The following UGT1A10 variants were observed in gnomAD, a reference collection of about 807,000 sequenced individuals.
UGT1A10 encodes UDP-glucuronosyltransferase 1A10.
Under a neutral mutation model 45.8 loss-of-function variants are expected in UGT1A10, and 49 were observed. The observed-to-expected ratio is 1.07, with a 90% CI of 0.85 to 1.36. The LOEUF is 1.36. Among genes scored for constraint, UGT1A10 ranks in the 40% most tolerant of loss-of-function variants. The probability of loss-of-function intolerance (pLI) is 0.00; values close to 1 mark genes in which losing one functional copy is unlikely to be tolerated. For synonymous variants in UGT1A10, 284 were observed against 249.7 expected (o/e 1.14, Z -1.29); for missense variants, 745 against 668.6 (o/e 1.11, Z -1.26).
intron 1 of UGT1A10, chr2:233,755,092 ACGC>A (rs1418876721): frequency 2.2e-6 from 3 of 1,335,040 alleles, no homozygotes; most frequent in Non-Finnish European, 3.0e-6. Flanking sequence ...TCGCGTTTCT[ACGC>A]GTCCGACAAC....
chr2:233,671,983 C>T (rs1209709539), intron 1 of UGT1A10: 1 of 1,613,950 alleles, frequency 6.2e-7, no homozygotes, highest in Non-Finnish European at 8.5e-7. Context: ...TGTGTGTCTG[C>T]TGCTGACCTG....
chr2:233,756,944 AC>A lies in UGT1A10; in HGVS notation c.856-10087del, dbSNP rs34531096. On this transcript the variant is annotated intron_variant, in intron 1 of 4. Transcript: ENST00000344644. ...ATAACCTCTAGTTACATAACCTGAA[AC>A]CCGGACTTGGCACTTGGTAAGCACG... 8.7e-4 allele frequency among the ~76,000 whole-genome samples: 132 copies of A among 152,140 alleles called. 1 individual carries two copies. The East Asian group carries it at 0.024, about 27-fold the overall frequency.
At chr2:233,729,039 C>T (rs2077779281) in intron 1 of UGT1A10, 1 of 1,604,830 alleles carries the variant, frequency 6.2e-7, no homozygotes, top group Non-Finnish European at 8.5e-7. Context: ...TGCTAAGTGG[C>T]TCAGTGACAA....
intron 4 of UGT1A10, chr2:233,770,807 T>C (rs1273805727): frequency 2.6e-5 from 4 of 152,116 alleles, no homozygotes; most frequent in East Asian, 1.9e-4. Context: ...TTAAAGACAG[T>C]GTATTAGGCT....
intron 1 of UGT1A10, among the ~76,000 whole-genome samples, chr2:233,697,919 A>G (rs1671784522): frequency 6.6e-6 from 1 of 152,252 alleles, no homozygotes; most frequent in South Asian, 2.1e-4. Flanking sequence ...TTCTCCTAGA[A>G]GTCTAGGGTA....
intron 1 of UGT1A10, among the ~76,000 whole-genome samples, chr2:233,639,828 T>G (rs17868314): frequency 0.025 from 3,879 of 152,338 alleles, 76 homozygotes; most frequent in Non-Finnish European, 0.04. Context: ...ATGGTCATTC[T>G]TTTACATTTC....
intron 1 of UGT1A10, among the ~76,000 whole-genome samples, chr2:233,670,983 T>C (rs1375000973): frequency 6.6e-6 from 1 of 152,192 alleles, no homozygotes; most frequent in Admixed American, 6.5e-5. Context: ...AGCAGGCTTA[T>C]GGATGGGGGC....
At chr2:233,717,873 G>A (rs1268919584) in intron 1 of UGT1A10, 4 of 454,746 alleles carry the variant, frequency 8.8e-6, no homozygotes, top group African/African-American at 2.0e-5. Flanking sequence ...TTGACTTGGA[G>A]AAAAGCCTGG....
intron 1 of UGT1A10, among the ~76,000 whole-genome samples, chr2:233,745,929 G>A (rs954070768): frequency 4.0e-5 from 6 of 151,604 alleles, no homozygotes; most frequent in African/African-American, 1.2e-4. Context: ...GATTCAGAAG[G>A]GACAGCTGGG....
chr2:233,679,660 G>A (rs1176827503), intron 1 of UGT1A10, among the ~76,000 whole-genome samples: 1 of 152,034 alleles, frequency 6.6e-6, no homozygotes, highest in Non-Finnish European at 1.5e-5. Flanking sequence ...TGGCATCTGG[G>A]AACTCATCTG....
At chr2:233,736,086 A>G (rs1432268125) in intron 1 of UGT1A10, among the ~76,000 whole-genome samples, 1 of 152,152 alleles carries the variant, frequency 6.6e-6, no homozygotes, top group Admixed American at 6.5e-5. Flanking sequence ...GTTCTCCTGG[A>G]TAATATCCTG....
intron 1 of UGT1A10, among the ~76,000 whole-genome samples, chr2:233,679,851 C>A (rs2074464178): frequency 6.6e-6 from 1 of 152,138 alleles, no homozygotes; most frequent in Non-Finnish European, 1.5e-5. Flanking sequence ...ATCACATTGG[C>A]ATCTATAAAT....
chr2:233,755,079 A>C, intron 1 of UGT1A10: 1 of 1,336,770 alleles, frequency 7.5e-7, no homozygotes, highest in Non-Finnish European at 1.0e-6. Flanking sequence ...GCGGTCATAG[A>C]TATCGCGTTT....
Position 233,655,358 on chromosome 2 carries a change from C to T in UGT1A10, c.855+17981C>T, listed in dbSNP as rs1328493829. Among the ~76,000 whole-genome samples the T allele has an allele frequency of 1.1e-4, 16 of 152,290 alleles. No homozygotes were observed. The East Asian group carries it at 1.4e-3, about 13-fold the overall frequency. On this transcript the variant is annotated intron_variant, in intron 1 of 4. Transcript: ENST00000344644. ...TCCCAGTTTAACACTGGAAGTCTCA[C>T]GTCCTGGGAGACTCTTCATTCCCCA...
intron 1 of UGT1A10, chr2:233,717,989 CTG>C (rs1276445819): frequency 4.5e-6 from 2 of 440,050 alleles, no homozygotes; most frequent in Non-Finnish European, 9.1e-6. Flanking sequence ...GGAATTCAGA[CTG>C]TGCAAGATCT....
intron 1 of UGT1A10, among the ~76,000 whole-genome samples, chr2:233,765,217 G>C (rs1406021636): frequency 6.6e-6 from 1 of 152,092 alleles, no homozygotes; most frequent in Non-Finnish European, 1.5e-5. Flanking sequence ...AGTATTCTTT[G>C]CAAACATAAA....
chr2:233,649,106 G>A, intron 1 of UGT1A10: 1 of 788,776 alleles, frequency 1.3e-6, no homozygotes, highest in Non-Finnish European at 1.8e-6. Flanking sequence ...ACTGGGATTT[G>A]ACATTTGTGT....
chr2:233,698,976 C>G (rs1363458651), intron 1 of UGT1A10, among the ~76,000 whole-genome samples: 1 of 152,218 alleles, frequency 6.6e-6, no homozygotes, highest in Non-Finnish European at 1.5e-5. Flanking sequence ...AGCCCTTTGG[C>G]CACCCAGGTG....
At chr2:233,754,376 GACAA>G in intron 1 of UGT1A10, 1 of 288,532 alleles carries the variant, frequency 3.5e-6, no homozygotes, top group Non-Finnish European at 6.7e-6. Context: ...ATGATCGAAA[GACAA>G]ACAGAGGTCC....
Sources: gnomAD v4.1 joint callset for allele counts (sites outside exome capture counted in the v4.1 genomes callset) on GRCh38, gnomAD v4.1.1 for gene constraint, MANE v1.5 for transcripts, NCBI Gene and HGNC (gene_info 2026-07-23, HGNC 2026-07-21) for gene names.